Variants in DOCK2 observed in about 807,000 individuals in gnomAD.
DOCK2 encodes dedicator of cytokinesis protein 2.
Under a neutral mutation model 248.9 loss-of-function variants are expected in DOCK2, and 87 were observed. The observed-to-expected ratio is 0.35, with a 90% CI of 0.29 to 0.42. The LOEUF is 0.42. Among genes scored for constraint, DOCK2 ranks in the 10% least tolerant of loss-of-function variants. The pLI, the probability that DOCK2 is intolerant of heterozygous loss-of-function variation, is 1.00. For synonymous variants in DOCK2, 805 were observed against 821.6 expected, an observed-to-expected ratio of 0.98 and a Z score of 0.35; for missense variants, 1,747 against 2,300.2, an observed-to-expected ratio of 0.76 and a Z score of 4.92.
At chr5:170,008,237 A>AAC (rs1554125565) in intron 30 of DOCK2, among the ~76,000 whole-genome samples, 23 of 147,042 alleles carry the variant, frequency 1.6e-4, no homozygotes, top group South Asian at 6.4e-4. Context: ...AAAAAAAAAA[A>AAC]ACCTAAAATT....
chr5:170,063,247 G>T (rs1027822692), intron 44 of DOCK2, among the ~76,000 whole-genome samples: 2 of 152,126 alleles, frequency 1.3e-5, no homozygotes, highest in South Asian at 2.1e-4. Context: ...CTCCCTAGAT[G>T]AGGTTTATGC....
chr5:169,892,382 C>G (rs908992777), intron 27 of DOCK2, among the ~76,000 whole-genome samples: 1 of 152,248 alleles, frequency 6.6e-6, no homozygotes, highest in African/African-American at 2.4e-5. Context: ...GCTAGGTGAA[C>G]ATTTGTGGAA....
intron 47 of DOCK2, among the ~76,000 whole-genome samples, chr5:170,076,715 A>G (rs765778974): frequency 2.0e-5 from 3 of 152,194 alleles, no homozygotes; most frequent in Non-Finnish European, 4.4e-5. Context: ...CATTTTACAG[A>G]TGGTAAAACT....
intron 10 of DOCK2, among the ~76,000 whole-genome samples, chr5:169,697,443 C>T (rs997739066): frequency 6.6e-6 from 1 of 152,218 alleles, no homozygotes; most frequent in Non-Finnish European, 1.5e-5. Flanking sequence ...GCCCCAGGAG[C>T]TTTAATATAG....
intron 26 of DOCK2, among the ~76,000 whole-genome samples, chr5:169,832,121 C>T (rs10054135): frequency 0.14 from 21,205 of 152,184 alleles, 1,780 homozygotes; most frequent in African/African-American, 0.23. Context: ...TACTAAATCT[C>T]TCTAATTCGT....
intron 27 of DOCK2, among the ~76,000 whole-genome samples, chr5:169,965,187 T>C (rs1275720177): frequency 6.6e-6 from 1 of 152,236 alleles, no homozygotes; most frequent in Non-Finnish European, 1.5e-5. Flanking sequence ...TTTTCTTGAA[T>C]ACCCACTGTG....
chr5:169,852,435 G>A (rs1770665555), intron 27 of DOCK2, among the ~76,000 whole-genome samples: 1 of 152,186 alleles, frequency 6.6e-6, no homozygotes, highest in South Asian at 2.1e-4. Context: ...TGGAACTGGG[G>A]ACAAGCTATG....
intron 9 of DOCK2, among the ~76,000 whole-genome samples, chr5:169,692,859 T>C (rs1215006232): frequency 6.6e-6 from 1 of 152,228 alleles, no homozygotes; most frequent in East Asian, 1.9e-4. Context: ...TCTCTGTGTT[T>C]GTCTGTGCCC....
chr5:169,791,500 A>T (rs989862241), intron 25 of DOCK2, among the ~76,000 whole-genome samples: 5 of 152,268 alleles, frequency 3.3e-5, no homozygotes, highest in Admixed American at 6.5e-5. Context: ...ATCAATCATT[A>T]AACAGACCAA....
Position 170,047,581 on chromosome 5 carries a change from A to G in DOCK2, c.4038A>G (p.Gly1346=), listed in dbSNP as rs764508625. ...CCAAACCAGACTACTTTGCTGTTGG[A>G]TACTACGGCCAGGGATTCCCCTCCT... ...LRPKPDYFAV[G]YYGQGFPSFL... is the part of the protein sequence containing the mutation. Residue 1346 remains glycine (G), a synonymous_variant, in exon 40 of 52, where the codon GGA becomes GGG. Transcript: ENST00000520908. The G allele has an allele frequency of 1.2e-6, 2 of 1,613,980 alleles. No homozygotes were observed. The highest frequency in any genetic ancestry group is 2.2e-5 in the East Asian group (1 of 44,862).
chr5:169,678,258 T>C (rs1232961982), intron 6 of DOCK2, among the ~76,000 whole-genome samples: 2 of 152,034 alleles, frequency 1.3e-5, no homozygotes, highest in African/African-American at 4.8e-5. Context: ...ACATCTTCAG[T>C]CTTGAGAAAA....
chr5:169,969,710 G>GAGAGA (rs567094085), intron 27 of DOCK2, among the ~76,000 whole-genome samples: 1,862 of 152,262 alleles, frequency 0.012, 44 homozygotes, highest in African/African-American at 0.042. Context: ...TAGGTGGGGT[G>GAGAGA]ACCAACTGTC....
At chr5:169,688,110 G>A (rs932242061) in intron 8 of DOCK2, among the ~76,000 whole-genome samples, 3 of 152,080 alleles carry the variant, frequency 2.0e-5, no homozygotes, top group Non-Finnish European at 4.4e-5. Flanking sequence ...ATTTTTAGTA[G>A]AGGCAGGGTT....
chr5:169,847,546 A>T (rs996805565), intron 27 of DOCK2, among the ~76,000 whole-genome samples: 2 of 152,208 alleles, frequency 1.3e-5, no homozygotes, highest in Non-Finnish European at 2.9e-5. Flanking sequence ...ACTTTATGCC[A>T]ATTTAATCTC....
intron 1 of DOCK2, among the ~76,000 whole-genome samples, chr5:169,646,522 TCC>T (rs1311712956): frequency 6.6e-6 from 1 of 152,214 alleles, no homozygotes; most frequent in Non-Finnish European, 1.5e-5. Context: ...CATGTCATCT[TCC>T]CCACTAGCTG....
At chr5:170,058,070 A>G (rs1476446716) in intron 44 of DOCK2, among the ~76,000 whole-genome samples, 1 of 152,186 alleles carries the variant, frequency 6.6e-6, no homozygotes, top group African/African-American at 2.4e-5. Context: ...ATAGTTGGAA[A>G]AACTGAGGCT....
rs780033807 is a variant in DOCK2, at chr5:170,041,998, G to A, written c.3757-15G>A. ...CTCTCGGCCCTGTGTGACTTCCTGT[G>A]TCTTCTCTTCACAGTGGTCGGATGA... On this transcript the variant is annotated splice_polypyrimidine_tract_variant and intron_variant, in intron 37 of 51. Coordinates refer to ENST00000520908, the MANE Select transcript of DOCK2 (RefSeq NM_004946.3). 2 of 1,612,132 alleles carry A rather than the reference G, an allele frequency of 1.2e-6. No individual in the cohort carries two copies. The highest frequency in any genetic ancestry group is 2.7e-5 in the African/African-American group (2 of 74,846).
intron 27 of DOCK2, among the ~76,000 whole-genome samples, chr5:169,966,100 C>T (rs905995389): frequency 1.9e-4 from 29 of 152,302 alleles, no homozygotes; most frequent in African/African-American, 6.7e-4. Context: ...TGCAACAGAA[C>T]ATACTTTGAA....
chr5:169,945,755 C>T (rs1017144443), intron 27 of DOCK2, among the ~76,000 whole-genome samples: 10 of 152,126 alleles, frequency 6.6e-5, no homozygotes, highest in Non-Finnish European at 1.0e-4. Flanking sequence ...CTGGTTCTCT[C>T]GGCCCCCAAG....
Sources: gnomAD v4.1 joint callset for allele counts (sites outside exome capture counted in the v4.1 genomes callset) on GRCh38, gnomAD v4.1.1 for gene constraint, MANE v1.5 for transcripts, NCBI Gene and HGNC (gene_info 2026-07-23, HGNC 2026-07-21) for gene names.